NRG1: variants seen among roughly 807,000 people sequenced by gnomAD.
NRG1 encodes the protein neuregulin 1.
In NRG1, 18 loss-of-function variants were observed where a neutral mutation model predicts 63.8. That is an observed-to-expected ratio of 0.28 (90% CI 0.19 to 0.42). The LOEUF is 0.42. Ranked by LOEUF, NRG1 falls within the 10% of genes least tolerant of loss-of-function variation. NRG1 has a pLI of 1.00. For missense variants in NRG1, 762 were observed against 814.7 expected (o/e 0.94, Z 0.79); for synonymous variants, 302 against 301.3 (o/e 1.00, Z -0.02).
At chr8:32,022,220 AAG>A (rs1207636574) in intron 1 of NRG1, among the ~76,000 whole-genome samples, 1 of 152,192 alleles carries the variant, frequency 6.6e-6, no homozygotes, top group East Asian at 1.9e-4. Context: ...ACATTAGGTA[AAG>A]AGAGAGTTTT....
chr8:32,770,742 C>T (rs187485821), downstream of NRG1, among the ~76,000 whole-genome samples: 1 of 152,276 alleles, frequency 6.6e-6, no homozygotes, highest in Non-Finnish European at 1.5e-5. Context: ...CACTTAGAAA[C>T]TTACTGACTG....
At chr8:31,678,825 AT>A (rs1808016128) in intron 1 of NRG1, among the ~76,000 whole-genome samples, 1 of 149,416 alleles carries the variant, frequency 6.7e-6, no homozygotes, top group South Asian at 2.1e-4. Flanking sequence ...TTTTAACTTT[AT>A]ATTGATATAA....
chr8:32,681,836 A>G (rs1156956296), intron 5 of NRG1, among the ~76,000 whole-genome samples: 1 of 152,214 alleles, frequency 6.6e-6, no homozygotes, highest in East Asian at 1.9e-4. Context: ...TCCATTACAC[A>G]GATATAGGAG....
intron 5 of NRG1, among the ~76,000 whole-genome samples, chr8:32,639,770 C>A (rs1851991574): frequency 6.6e-6 from 1 of 152,190 alleles, no homozygotes; most frequent in South Asian, 2.1e-4. Flanking sequence ...AATTGGCTGA[C>A]AAGCAACTGA....
At chr8:32,150,229 T>A (rs1479920043) in intron 1 of NRG1, among the ~76,000 whole-genome samples, 2 of 152,186 alleles carry the variant, frequency 1.3e-5, no homozygotes, top group Non-Finnish European at 2.9e-5. Flanking sequence ...TCTGGAGTGA[T>A]AAATGCCACA....
chr8:32,033,105 T>TG (rs1423284981), intron 1 of NRG1, among the ~76,000 whole-genome samples: 1 of 150,006 alleles, frequency 6.7e-6, no homozygotes, highest in Non-Finnish European at 1.5e-5. Context: ...TTTTTTTTTT[T>TG]TTTTTTGGAG....
chr8:31,808,740 T>C (rs545952588), intron 1 of NRG1, among the ~76,000 whole-genome samples: 83 of 152,268 alleles, frequency 5.5e-4, no homozygotes, highest in African/African-American at 2.0e-3. Flanking sequence ...ATCCCTAGAA[T>C]ACTTTTTATT....
Position 32,487,416 on chromosome 8 carries a change from G to T in NRG1, c.38-108412G>T, listed in dbSNP as rs528504691. ...GATCAGAAAAGATACATTTTTGGAG[G>T]TTGGTTTTTTTTTTTAATTCTTGCT... is the stretch of plus-strand genomic sequence containing the variant. On this transcript the variant is annotated intron_variant, in intron 1 of 10. Coordinates refer to the NRG1 transcript ENST00000519301. Among the ~76,000 whole-genome samples the T allele has an allele frequency of 1.2e-3, 188 of 151,978 alleles. 1 individual carries two copies. The highest frequency in any genetic ancestry group is 4.3e-3 in the African/African-American group (179 of 41,446).
intron 1 of NRG1, among the ~76,000 whole-genome samples, chr8:32,250,461 T>A (rs1261250787): frequency 3.9e-5 from 6 of 152,142 alleles, no homozygotes; most frequent in Admixed American, 6.6e-5. Context: ...TTTATTTAAC[T>A]GCAACAATAG....
chr8:32,267,770 A>G (rs529321657), intron 1 of NRG1, among the ~76,000 whole-genome samples: 1 of 152,160 alleles, frequency 6.6e-6, no homozygotes. Flanking sequence ...AATGGAGCTG[A>G]TGTTCATCTC....
In NRG1 at chr8:32,116,564, T is replaced by C. The variant is rs116514844; in HGVS notation, c.37+477133T>C. 3.7e-3 allele frequency among the ~76,000 whole-genome samples: 565 copies of C among 152,272 alleles called. 2 individuals carry two copies. Among genetic ancestry groups the C allele is most frequent in the African/African-American group, 0.013 (537 of 41,564 alleles). Reference sequence around the variant, plus strand: ...TATTAGGCAAGAGTAAGTGGTTTAATTGGCTCACCTTCATTCAACTGTTAG... The same window carrying C: ...TATTAGGCAAGAGTAAGTGGTTTAACTGGCTCACCTTCATTCAACTGTTAG... On this transcript the variant is annotated intron_variant, in intron 1 of 10. Coordinates refer to the NRG1 transcript ENST00000519301.
intron 1 of NRG1, among the ~76,000 whole-genome samples, chr8:31,940,394 C>CA (rs766839862): frequency 2.6e-5 from 4 of 151,292 alleles, no homozygotes; most frequent in Non-Finnish European, 5.9e-5. Flanking sequence ...TGAGATACAG[C>CA]AAAAAATGGT....
In NRG1 at chr8:32,356,474, A is replaced by ACC. The variant is rs11426642; in HGVS notation, c.38-239345_38-239344dup. ...AATCACACAGAGTTTCCTTGTTGGG[A>ACC]CCCCCCCCCCACCCGCCGGGCCCCA... On this transcript the variant is annotated intron_variant, in intron 1 of 10. Coordinates refer to the NRG1 transcript ENST00000519301. 7.7e-3 allele frequency among the ~76,000 whole-genome samples: 530 copies of ACC among 69,180 alleles called. 18 individuals carry two copies. Among genetic ancestry groups the ACC allele is most frequent in the African/African-American group, 0.022 (374 of 17,046 alleles). The allele number at this position is 69,180 out of a possible 152,430, so 45.4% of individuals were successfully genotyped here.
At chr8:31,669,722 G>T (rs4351381) in intron 1 of NRG1, among the ~76,000 whole-genome samples, 30,305 of 152,046 alleles carry the variant, frequency 0.2, 4,063 homozygotes, top group East Asian at 0.59. Flanking sequence ...ACTTATTCAC[G>T]CATAAGTACT....
chr8:31,879,408 G>A (rs1332540430), intron 1 of NRG1, among the ~76,000 whole-genome samples: 1 of 152,200 alleles, frequency 6.6e-6, no homozygotes, highest in Non-Finnish European at 1.5e-5. Context: ...GAGCATTTCT[G>A]TAGCACTGGA....
chr8:32,432,299 A>G (rs556460813), intron 1 of NRG1, among the ~76,000 whole-genome samples: 8 of 152,292 alleles, frequency 5.3e-5, no homozygotes, highest in African/African-American at 1.9e-4. Context: ...TGTTCTAGGC[A>G]TATTTTACAT....
intron 1 of NRG1, among the ~76,000 whole-genome samples, chr8:32,212,345 C>T (rs2132401856): frequency 6.6e-6 from 1 of 152,216 alleles, no homozygotes; most frequent in Admixed American, 6.5e-5. Flanking sequence ...TTTTGCAACT[C>T]CATGTATACC....
chr8:32,293,715 CTTCTT>C (rs1186324843), intron 1 of NRG1, among the ~76,000 whole-genome samples: 47 of 113,560 alleles, frequency 4.1e-4, no homozygotes, highest in African/African-American at 1.7e-3. Context: ...TTCTTTTCTT[CTTCTT>C]TTTTTTTTTT....
intron 1 of NRG1, among the ~76,000 whole-genome samples, chr8:32,237,707 A>G (rs751755154): frequency 6.6e-6 from 1 of 152,072 alleles, no homozygotes; most frequent in Non-Finnish European, 1.5e-5. Flanking sequence ...CCACCTAGAA[A>G]CATCAATTGA....
Sources: gnomAD v4.1 joint callset for allele counts (sites outside exome capture counted in the v4.1 genomes callset) on GRCh38, gnomAD v4.1.1 for gene constraint, MANE v1.5 for transcripts, NCBI Gene and HGNC (gene_info 2026-07-23, HGNC 2026-07-21) for gene names.